RBFOX1: variants seen among roughly 807,000 people sequenced by gnomAD.
The protein encoded by RBFOX1 is RNA binding fox-1 homolog 1, also known as RNA binding protein fox-1 homolog 1.
A neutral mutation model predicts 57.7 loss-of-function variants in RBFOX1; 8 were observed. The ratio of observed to expected loss-of-function variants is 0.14; its 90% CI spans 0.08 to 0.25. RBFOX1 has a LOEUF of 0.25. Among genes scored for constraint, RBFOX1 ranks in the 10% least tolerant of loss-of-function variants. RBFOX1 has a pLI of 1.00. For synonymous variants in RBFOX1, 326 were observed against 222.4 expected (o/e 1.47, Z -4.15); for missense variants, 611 against 548.5 (o/e 1.11, Z -1.14).
At chr16:6,076,071 G>T (rs933259090) in intron 1 of RBFOX1, among the ~76,000 whole-genome samples, 1 of 152,126 alleles carries the variant, frequency 6.6e-6, no homozygotes, top group South Asian at 2.1e-4. Context: ...GGCTGAGGAG[G>T]GCTAATCACC....
At chr16:5,792,290 TC>T (rs1478714103) in intron 3 of RBFOX1, among the ~76,000 whole-genome samples, 1 of 152,188 alleles carries the variant, frequency 6.6e-6, no homozygotes, top group Non-Finnish European at 1.5e-5. Flanking sequence ...TTCTAAGTTC[TC>T]TTAGATACAC....
chr16:7,167,852 T>C lies in RBFOX1; in HGVS notation c.27+115754T>C, dbSNP rs567417770. 1.8e-4 allele frequency among the ~76,000 whole-genome samples: 12 copies of C among 65,564 alleles called. 1 individual carries two copies. In the South Asian group the frequency reaches 0.011, roughly 59 times the overall value. 43.0% of individuals were successfully genotyped at this position (65,564 alleles called of 152,430 possible). A position where few individuals can be genotyped will look rare whatever the true frequency, so the allele number is the denominator to read the frequency against. On this transcript the variant is annotated intron_variant, in intron 4 of 15. Coordinates refer to ENST00000550418, the MANE Select transcript of RBFOX1 (RefSeq NM_018723.4). ...GGCCTGCAAAGCCTAAAATATTTACTATCTGGCCCTCTGCGAAAAAAGTGT... is the reference window on the plus strand; with the variant it reads ...GGCCTGCAAAGCCTAAAATATTTACCATCTGGCCCTCTGCGAAAAAAGTGT...
At chr16:5,422,434 GTATGATGGAGAGGGAA>G (rs2067363721) in intron 1 of RBFOX1, among the ~76,000 whole-genome samples, 2 of 136,652 alleles carry the variant, frequency 1.5e-5, no homozygotes, top group African/African-American at 2.8e-5. Flanking sequence ...GGGAGAGGGA[GTATGATGGAGAGGGAA>G]CATGAGGGAG....
At chr16:5,665,464 C>T (rs1275593695) in intron 3 of RBFOX1, among the ~76,000 whole-genome samples, 1 of 148,928 alleles carries the variant, frequency 6.7e-6, no homozygotes, top group Admixed American at 6.7e-5. Context: ...AAGTAGTTCT[C>T]CCCACATACC....
intron 3 of RBFOX1, among the ~76,000 whole-genome samples, chr16:6,807,664 A>G (rs574641742): frequency 1.3e-5 from 2 of 152,102 alleles, no homozygotes; most frequent in African/African-American, 4.8e-5. Context: ...AAAAATAAAA[A>G]ATTTGGCTGG....
intron 1 of RBFOX1, among the ~76,000 whole-genome samples, chr16:6,286,468 T>A (rs986274942): frequency 2.0e-5 from 3 of 152,228 alleles, no homozygotes; most frequent in Non-Finnish European, 2.9e-5. Flanking sequence ...TCCTCCTTCA[T>A]ACATTGGAAG....
At chr16:7,701,880 C>G (rs184623765) in intron 14 of RBFOX1, among the ~76,000 whole-genome samples, 6 of 152,260 alleles carry the variant, frequency 3.9e-5, no homozygotes, top group African/African-American at 1.4e-4. Context: ...CCAATACATC[C>G]AAGTAGTTAT....
chr16:6,768,208 C>T (rs1190874246), intron 3 of RBFOX1, among the ~76,000 whole-genome samples: 1 of 151,930 alleles, frequency 6.6e-6, no homozygotes. Context: ...AAAAACAAAA[C>T]AAGACCGAAA....
At chr16:7,238,368 A>G (rs1194275908) in intron 4 of RBFOX1, among the ~76,000 whole-genome samples, 1 of 152,126 alleles carries the variant, frequency 6.6e-6, no homozygotes, top group Non-Finnish European at 1.5e-5. Context: ...TAAAAGAAGA[A>G]GTAAATTCTG....
chr16:5,376,194 T>C (rs1390150679), intron 1 of RBFOX1, among the ~76,000 whole-genome samples: 1 of 150,104 alleles, frequency 6.7e-6, no homozygotes, highest in Non-Finnish European at 1.5e-5. Flanking sequence ...AAAAGGTTAG[T>C]AATCTGTCCA....
chr16:7,457,636 A>G (rs995888784), intron 4 of RBFOX1, among the ~76,000 whole-genome samples: 8 of 152,114 alleles, frequency 5.3e-5, no homozygotes, highest in African/African-American at 1.7e-4. Context: ...GTTTTAAATC[A>G]CAGGTATCAA....
In RBFOX1 at chr16:7,388,924, A is replaced by G. The variant is rs1283997597; in HGVS notation, c.28-129223A>G. Among the ~76,000 whole-genome samples, 10 of 152,236 alleles carry G rather than the reference A, an allele frequency of 6.6e-5. No individual in the cohort carries two copies. The East Asian group carries it at 1.2e-3, about 18-fold the overall frequency. On this transcript the variant is annotated intron_variant, in intron 4 of 15. Coordinates refer to ENST00000550418, the MANE Select transcript of RBFOX1 (RefSeq NM_018723.4). ...ACGATGAGTTTATAGGGACATAACC[A>G]TATCATAAGTCAAGGAAAGCATGTA... is the stretch of plus-strand genomic sequence containing the variant.
rs2084057927 is a variant in RBFOX1, at chr16:7,711,942, C to T, written c.*1197C>T. 2 of 152,522 alleles carry T rather than the reference C, an allele frequency of 1.3e-5. No individual in the cohort carries two copies. Among genetic ancestry groups the T allele is most frequent in the African/African-American group, 2.4e-5 (1 of 41,422 alleles). The allele number at this position is 152,522 out of a possible 1,614,324, so 9.4% of individuals were successfully genotyped here. ...CAGTCCGTGAGATCCTGCCCTTCCA[C>T]CTCTTTCCCATACCCCCAAGGATTA... On this transcript the variant is annotated 3_prime_UTR_variant, in exon 16 of 16. Transcript: ENST00000550418.
At chr16:6,860,280 T>G (rs1355714890) in intron 3 of RBFOX1, among the ~76,000 whole-genome samples, 1 of 152,218 alleles carries the variant, frequency 6.6e-6, no homozygotes. Flanking sequence ...AAATACATTA[T>G]TTAATGTCTG....
chr16:6,940,761 CTAGT>C (rs2153498096), intron 3 of RBFOX1, among the ~76,000 whole-genome samples: 1 of 117,722 alleles, frequency 8.5e-6, no homozygotes, highest in South Asian at 3.1e-4. Context: ...CCATGTCCCG[CTAGT>C]GTGTGTGTGT....
At chr16:5,481,253 C>G (rs2069530359) in intron 2 of RBFOX1, among the ~76,000 whole-genome samples, 1 of 152,178 alleles carries the variant, frequency 6.6e-6, no homozygotes, top group South Asian at 2.1e-4. Context: ...GGGGTCTTCT[C>G]TTGAGCATCT....
At position 6,727,440 on chromosome 16, in the gene RBFOX1, A is replaced by G. The variant is rs374679771; in HGVS notation, c.-16+72790A>G. 2.6e-4 allele frequency among the ~76,000 whole-genome samples: 40 copies of G among 151,010 alleles called. 1 individual carries two copies. The highest frequency in any genetic ancestry group is 9.5e-4 in the African/African-American group (39 of 41,102). On this transcript the variant is annotated intron_variant, in intron 3 of 15. Transcript: ENST00000550418. Reference sequence around the variant, plus strand: ...GTTTTTTTTTCTTTTTTTCCTTCATATTCCCCCGCTGCTTCCACCTACACC... The same window carrying G: ...GTTTTTTTTTCTTTTTTTCCTTCATGTTCCCCCGCTGCTTCCACCTACACC...
At chr16:5,755,687 C>G (rs1262620715) in intron 3 of RBFOX1, among the ~76,000 whole-genome samples, 1 of 152,178 alleles carries the variant, frequency 6.6e-6, no homozygotes, top group African/African-American at 2.4e-5. Flanking sequence ...CAGCCTCCGC[C>G]TACCAGGTTC....
At chr16:7,492,511 C>T (rs1004036212) in intron 4 of RBFOX1, among the ~76,000 whole-genome samples, 4 of 152,146 alleles carry the variant, frequency 2.6e-5, no homozygotes, top group African/African-American at 9.7e-5. Flanking sequence ...CAGCCACTAG[C>T]CACATGTAGC....
Sources: allele counts gnomAD v4.1 joint callset (sites outside exome capture counted in the v4.1 genomes callset), GRCh38; gene constraint gnomAD v4.1.1; transcripts MANE v1.5; gene names NCBI Gene and HGNC (gene_info 2026-07-23, HGNC 2026-07-21).